The following PRIMA1 variants were observed in gnomAD, a reference collection of about 807,000 sequenced individuals.
PRIMA1 encodes the protein proline rich membrane anchor 1, also known as proline-rich membrane anchor 1.
A neutral mutation model predicts 17.5 loss-of-function variants in PRIMA1; 7 were observed. That is an observed-to-expected ratio of 0.40 (90% CI 0.23 to 0.75). The LOEUF is 0.75. Ranked by LOEUF, PRIMA1 falls within the 30% of genes least tolerant of loss-of-function variation. PRIMA1 has a pLI of 0.37. For synonymous variants in PRIMA1, 97 were observed against 77.9 expected, an observed-to-expected ratio of 1.25 and a Z score of -1.29; for missense variants, 200 against 201.8, an observed-to-expected ratio of 0.99 and a Z score of 0.05.
chr14:93,779,991 C>G (rs2141194446), intron 2 of PRIMA1, among the ~76,000 whole-genome samples: 1 of 152,358 alleles, frequency 6.6e-6, no homozygotes, highest in Admixed American at 6.5e-5. Context: ...GCCACCCCAC[C>G]CCTCGTGGGA....
intron 3 of PRIMA1, among the ~76,000 whole-genome samples, chr14:93,773,008 T>C (rs555100778): frequency 2.6e-5 from 4 of 152,308 alleles, no homozygotes; most frequent in South Asian, 4.1e-4. Flanking sequence ...CAACCACCCA[T>C]GTGCAGCAGG....
chr14:93,721,983 C>A (rs565122119), intron 4 of PRIMA1, among the ~76,000 whole-genome samples: 1 of 152,184 alleles, frequency 6.6e-6, no homozygotes, highest in Non-Finnish European at 1.5e-5. Flanking sequence ...AAGGCAAATT[C>A]AAAATGTGAT....
intron 3 of PRIMA1, among the ~76,000 whole-genome samples, chr14:93,769,757 G>T (rs1235263612): frequency 6.6e-6 from 1 of 152,204 alleles, no homozygotes; most frequent in African/African-American, 2.4e-5. Flanking sequence ...GGAAACTCTG[G>T]TTTGCACCAG....
At chr14:93,770,296 C>A (rs1264739716) in intron 3 of PRIMA1, among the ~76,000 whole-genome samples, 1 of 152,222 alleles carries the variant, frequency 6.6e-6, no homozygotes, top group East Asian at 1.9e-4. Context: ...GCATGCCACA[C>A]CCCCTACTCA....
rs1487934280 is a variant in PRIMA1, at chr14:93,782,431, C to T, written c.94-3120G>A. Among the ~76,000 whole-genome samples, 4 of 151,940 alleles carry T rather than the reference C, an allele frequency of 2.6e-5. No individual in the cohort carries two copies. In the East Asian group the frequency reaches 7.7e-4, roughly 29 times the overall value. ...CCCAGGGGTTCAACATCAGCCTGGG[C>T]AATAGAGTGAGACCTCATCTCTACA... On this transcript the variant is annotated intron_variant, in intron 2 of 4. Coordinates refer to ENST00000393140, the MANE Select transcript of PRIMA1 (RefSeq NM_178013.4).
intron 3 of PRIMA1, among the ~76,000 whole-genome samples, chr14:93,754,974 G>A (rs140286123): frequency 5.6e-4 from 86 of 152,276 alleles, no homozygotes; most frequent in African/African-American, 1.4e-3. Context: ...GGGAAGGCAC[G>A]GCTGGCTTGG....
chr14:93,774,332 C>T (rs1042848194), intron 3 of PRIMA1, among the ~76,000 whole-genome samples: 1 of 152,156 alleles, frequency 6.6e-6, no homozygotes, highest in African/African-American at 2.4e-5. Flanking sequence ...CCCTGAGGGG[C>T]AGGGCAGCAG....
intron 3 of PRIMA1, among the ~76,000 whole-genome samples, chr14:93,743,007 G>C (rs2076193753): frequency 6.6e-6 from 1 of 152,210 alleles, no homozygotes; most frequent in African/African-American, 2.4e-5. Context: ...CAGAGCCAGG[G>C]ATGAATGAAT....
intron 3 of PRIMA1, among the ~76,000 whole-genome samples, chr14:93,748,069 T>A (rs2076236552): frequency 6.6e-6 from 1 of 151,468 alleles, no homozygotes; most frequent in Non-Finnish European, 1.5e-5. Flanking sequence ...TGAGTGTGAA[T>A]GTGTATGTGT....
chr14:93,780,711 T>C (rs1315577021), intron 2 of PRIMA1, among the ~76,000 whole-genome samples: 1 of 152,198 alleles, frequency 6.6e-6, no homozygotes, highest in Non-Finnish European at 1.5e-5. Context: ...TTAAACTTCT[T>C]ATGCAGAGCC....
At chr14:93,747,806 T>G (rs111206792) in intron 3 of PRIMA1, among the ~76,000 whole-genome samples, 1 of 144,558 alleles carries the variant, frequency 6.9e-6, no homozygotes, top group Non-Finnish European at 1.5e-5. Flanking sequence ...GTAAGGGGAC[T>G]GAGTGTGTGG....
intron 3 of PRIMA1, among the ~76,000 whole-genome samples, chr14:93,769,725 C>T (rs111801711): frequency 5.5e-4 from 84 of 152,282 alleles, no homozygotes; most frequent in African/African-American, 1.8e-3. Context: ...TTTTGTTAGT[C>T]GGAAACTCAT....
At chr14:93,748,033 T>TGGGA (rs573389658) in intron 3 of PRIMA1, among the ~76,000 whole-genome samples, 3 of 43,722 alleles carry the variant, frequency 6.9e-5, no homozygotes, top group African/African-American at 2.5e-4. Flanking sequence ...GGGGACTGTG[T>TGGGA]GTGGGAGTGT....
intron 4 of PRIMA1, among the ~76,000 whole-genome samples, chr14:93,731,684 C>T (rs1218065450): frequency 6.6e-6 from 1 of 152,082 alleles, no homozygotes; most frequent in Non-Finnish European, 1.5e-5. Flanking sequence ...TTAAGATCAC[C>T]TCATTTATTA....
At chr14:93,733,870 C>T (rs2076131583) in intron 4 of PRIMA1, among the ~76,000 whole-genome samples, 1 of 152,230 alleles carries the variant, frequency 6.6e-6, no homozygotes, top group Non-Finnish European at 1.5e-5. Flanking sequence ...GATGCTATCT[C>T]TTACAGCCCC....
At chr14:93,745,601 C>G (rs74076330) in intron 3 of PRIMA1, among the ~76,000 whole-genome samples, 1 of 152,232 alleles carries the variant, frequency 6.6e-6, no homozygotes, top group Non-Finnish European at 1.5e-5. Flanking sequence ...CTCAGGCCCC[C>G]ACCTGGGCAT....
intron 3 of PRIMA1, among the ~76,000 whole-genome samples, chr14:93,745,529 A>G (rs2076211648): frequency 6.6e-6 from 1 of 152,220 alleles, no homozygotes; most frequent in South Asian, 2.1e-4. Context: ...GGCATCCAGC[A>G]GGGAGTGGGG....
chr14:93,780,417 T>C (rs558552391), intron 2 of PRIMA1, among the ~76,000 whole-genome samples: 2 of 152,262 alleles, frequency 1.3e-5, no homozygotes, highest in Non-Finnish European at 2.9e-5. Context: ...TGCCCACCAT[T>C]TGATAAATTT....
At chr14:93,751,276 C>G (rs533910553) in intron 3 of PRIMA1, among the ~76,000 whole-genome samples, 1 of 152,340 alleles carries the variant, frequency 6.6e-6, no homozygotes, top group Admixed American at 6.5e-5. Flanking sequence ...CAGTAACTGA[C>G]AGGTGCTAAG....
Sources: gnomAD v4.1 joint callset for allele counts (sites outside exome capture counted in the v4.1 genomes callset) on GRCh38, gnomAD v4.1.1 for gene constraint, MANE v1.5 for transcripts, NCBI Gene and HGNC (gene_info 2026-07-23, HGNC 2026-07-21) for gene names.